The following KIF26B variants were observed in gnomAD, a reference collection of about 807,000 sequenced individuals.
KIF26B encodes kinesin family member 26B.
A neutral mutation model predicts 151.2 loss-of-function variants in KIF26B; 63 were observed. The ratio of observed to expected loss-of-function variants is 0.42; its 90% CI spans 0.34 to 0.51. The LOEUF (loss-of-function observed/expected upper bound fraction) is 0.51. Ranked by LOEUF, KIF26B falls within the 20% of genes least tolerant of loss-of-function variation. The probability of loss-of-function intolerance (pLI) is 0.07; values close to 1 mark genes in which losing one functional copy is unlikely to be tolerated. For missense variants in KIF26B, 2,813 were observed against 2,913.6 expected (o/e 0.97, Z 0.79); for synonymous variants, 1,357 against 1,262.1 (o/e 1.08, Z -1.59).
chr1:245,681,187 A>G (rs1421758203), intron 10 of KIF26B, among the ~76,000 whole-genome samples: 3 of 150,298 alleles, frequency 2.0e-5, no homozygotes, highest in Non-Finnish European at 4.4e-5. Flanking sequence ...ACATCCTTTT[A>G]TCCGGTCTTT....
chr1:245,680,374 C>A (rs2044418028), intron 10 of KIF26B, among the ~76,000 whole-genome samples: 1 of 152,136 alleles, frequency 6.6e-6, no homozygotes, highest in Non-Finnish European at 1.5e-5. Context: ...AGCTAAAATG[C>A]CGGTTGCTAA....
chr1:245,580,801 C>T (rs755531117), intron 5 of KIF26B, among the ~76,000 whole-genome samples: 9 of 152,308 alleles, frequency 5.9e-5, no homozygotes, highest in Non-Finnish European at 8.8e-5. Flanking sequence ...ATGGATACAG[C>T]GCATGCCTCC....
chr1:245,648,641 A>C (rs184361726), intron 10 of KIF26B, among the ~76,000 whole-genome samples: 7 of 152,004 alleles, frequency 4.6e-5, no homozygotes, highest in Non-Finnish European at 8.8e-5. Context: ...TCAAAAAAAA[A>C]AAAATAAATG....
intron 3 of KIF26B, among the ~76,000 whole-genome samples, chr1:245,374,265 G>C (rs988184514): frequency 1.7e-4 from 26 of 149,678 alleles, no homozygotes; most frequent in African/African-American, 5.9e-4. Context: ...CTTGGTGCTA[G>C]AGGACTTCCA....
At chr1:245,452,235 T>A (rs1233936276) in intron 4 of KIF26B, among the ~76,000 whole-genome samples, 1 of 152,254 alleles carries the variant, frequency 6.6e-6, no homozygotes, top group East Asian at 1.9e-4. Context: ...TTTTCAAGGT[T>A]TATCCATGTT....
At chr1:245,504,679 G>A (rs1036580542) in intron 4 of KIF26B, among the ~76,000 whole-genome samples, 2 of 151,760 alleles carry the variant, frequency 1.3e-5, no homozygotes, top group Non-Finnish European at 2.9e-5. Context: ...TGCCTCAAGA[G>A]TCCTCCCATC....
chr1:245,225,879 T>A (rs1669863948), intron 2 of KIF26B: 1 of 152,186 alleles, frequency 6.6e-6, no homozygotes, highest in African/African-American at 2.4e-5. Flanking sequence ...GTGAGTGAAA[T>A]CTGAACCATA....
At chr1:245,592,182 C>T (rs1044556548) in intron 5 of KIF26B, among the ~76,000 whole-genome samples, 29 of 152,334 alleles carry the variant, frequency 1.9e-4, no homozygotes, top group African/African-American at 6.0e-4. Context: ...CAAATCTTCC[C>T]TCTCTGATGG....
intron 10 of KIF26B, among the ~76,000 whole-genome samples, chr1:245,675,858 T>C (rs2044351152): frequency 6.6e-6 from 1 of 152,112 alleles, no homozygotes; most frequent in South Asian, 2.1e-4. Context: ...CATATAATCC[T>C]AGAGAACAAA....
At chr1:245,219,231 C>T (rs1246073672) in intron 2 of KIF26B, among the ~76,000 whole-genome samples, 4 of 140,848 alleles carry the variant, frequency 2.8e-5, no homozygotes, top group South Asian at 4.7e-4. Context: ...CTTTGCCTCC[C>T]GGGTTCACAC....
In KIF26B at chr1:245,219,127, C is replaced by CT. The variant is rs1166578525; in HGVS notation, c.465+62473dup. 9.6e-4 allele frequency among the ~76,000 whole-genome samples: 54 copies of CT among 56,188 alleles called. 6 individuals are homozygous for CT. Among genetic ancestry groups the CT allele is most frequent in the African/African-American group, 2.6e-3 (40 of 15,300 alleles). The allele number at this position is 56,188 out of a possible 152,430, so 36.9% of individuals were successfully genotyped here. A position where few individuals can be genotyped will look rare whatever the true frequency, so the allele number is the denominator to read the frequency against. On this transcript the variant is annotated intron_variant, in intron 2 of 14. Transcript: ENST00000407071. ...CACAGGAGGTAGCAAATACCTACCT[C>CT]TTTTTTTTTTTTTTTTTTTTTTTTT... is the stretch of plus-strand genomic sequence containing the variant.
At chr1:245,349,770 G>A (rs1026046099) in intron 2 of KIF26B, among the ~76,000 whole-genome samples, 21 of 152,074 alleles carry the variant, frequency 1.4e-4, no homozygotes, top group African/African-American at 5.1e-4. Context: ...GAAAGATCTG[G>A]TATTAATCAA....
intron 2 of KIF26B, among the ~76,000 whole-genome samples, chr1:245,307,989 C>T (rs1232094614): frequency 6.6e-5 from 10 of 152,196 alleles, no homozygotes; most frequent in Non-Finnish European, 1.0e-4. Flanking sequence ...ATCTTTCAGT[C>T]CAACTTTGAT....
In KIF26B at chr1:245,178,836, A is replaced by G. The variant is rs78447058; in HGVS notation, c.465+22153A>G. Among the ~76,000 whole-genome samples, 558 of 152,294 alleles carry G rather than the reference A, an allele frequency of 3.7e-3. 1 individual carries two copies. The highest frequency in any genetic ancestry group is 0.013 in the African/African-American group (527 of 41,568). Reference sequence around the variant, plus strand: ...CTTGCCACATGCAGTGTCTGAGTGGAGGGCAAGTGGGGCCGGCTCTACAGC... The same window carrying G: ...CTTGCCACATGCAGTGTCTGAGTGGGGGGCAAGTGGGGCCGGCTCTACAGC... On this transcript the variant is annotated intron_variant, in intron 2 of 14. Coordinates refer to ENST00000407071, the MANE Select transcript of KIF26B (RefSeq NM_018012.4).
chr1:245,620,950 G>C (rs989785069), intron 9 of KIF26B, among the ~76,000 whole-genome samples: 2 of 152,210 alleles, frequency 1.3e-5, no homozygotes, highest in East Asian at 3.9e-4. Flanking sequence ...AGCCCTCAGC[G>C]TGCTGTGGGC....
intron 10 of KIF26B, among the ~76,000 whole-genome samples, 164 bp downstream of exon 10, chr1:245,646,444 C>T (rs1268018684): frequency 6.6e-6 from 1 of 152,180 alleles, no homozygotes; most frequent in African/African-American, 2.4e-5. Context: ...AATGCATGAT[C>T]TCCCAAATTC....
At chr1:245,262,406 G>T (rs1014844236) in intron 2 of KIF26B, among the ~76,000 whole-genome samples, 4 of 152,058 alleles carry the variant, frequency 2.6e-5, no homozygotes, top group Non-Finnish European at 5.9e-5. Flanking sequence ...TTCTTTTCCA[G>T]GTAGAGTCTG....
chr1:245,446,488 T>C (rs183886839), intron 4 of KIF26B, among the ~76,000 whole-genome samples: 1 of 151,614 alleles, frequency 6.6e-6, no homozygotes, highest in East Asian at 1.9e-4. Context: ...AGAAACAGAG[T>C]GTCTGTGTAG....
chr1:245,356,717 G>A (rs549269660), intron 2 of KIF26B, among the ~76,000 whole-genome samples: 10 of 152,286 alleles, frequency 6.6e-5, no homozygotes, highest in Admixed American at 3.3e-4. Flanking sequence ...GACGCATTCC[G>A]CAGTGAACAA....
Sources: allele counts gnomAD v4.1 joint callset (sites outside exome capture counted in the v4.1 genomes callset), GRCh38; gene constraint gnomAD v4.1.1; transcripts MANE v1.5; gene names NCBI Gene and HGNC (gene_info 2026-07-23, HGNC 2026-07-21).